Variants in DOP1A observed in about 807,000 individuals in gnomAD.
The protein encoded by DOP1A is DOP1 leucine zipper like protein A.
Under a neutral mutation model 267.6 loss-of-function variants are expected in DOP1A, and 90 were observed. The ratio of observed to expected loss-of-function variants is 0.34; its 90% confidence interval spans 0.28 to 0.40. DOP1A has a LOEUF of 0.40. Among genes scored for constraint, DOP1A ranks in the 10% least tolerant of loss-of-function variants. DOP1A has a pLI of 1.00. For missense variants in DOP1A, 2,437 were observed against 2,900.4 expected, an observed-to-expected ratio of 0.84 and a Z score of 3.67; for synonymous variants, 932 against 999.1, an observed-to-expected ratio of 0.93 and a Z score of 1.27.
At chr6:83,089,672 T>C (rs1163102798) in intron 1 of DOP1A, among the ~76,000 whole-genome samples, 1 of 152,224 alleles carries the variant, frequency 6.6e-6, no homozygotes, top group African/African-American at 2.4e-5. Context: ...TTATTTTTAT[T>C]TTTTTAAGTT....
At chr6:83,159,733 C>G in intron 36 of DOP1A, 63 bp from the exon 37 acceptor site, 1 of 1,582,066 alleles carries the variant, frequency 6.3e-7, no homozygotes. Flanking sequence ...ACTTTTAGAT[C>G]TTTCCAGGAA....
At chr6:83,071,449 C>T (rs944966262) in intron 1 of DOP1A, among the ~76,000 whole-genome samples, 60 of 152,134 alleles carry the variant, frequency 3.9e-4, no homozygotes, top group African/African-American at 1.3e-3. Context: ...TCAGGTTATC[C>T]GCCTCGCCTC....
At chr6:83,098,609 A>G (rs951119052) in intron 3 of DOP1A, among the ~76,000 whole-genome samples, 1 of 152,228 alleles carries the variant, frequency 6.6e-6, no homozygotes, top group Non-Finnish European at 1.5e-5. Context: ...TTCATTATAA[A>G]GGACATTACA....
intron 12 of DOP1A, among the ~76,000 whole-genome samples, chr6:83,124,187 T>C (rs1484714470): frequency 6.6e-6 from 1 of 152,054 alleles, no homozygotes; most frequent in Non-Finnish European, 1.5e-5. Flanking sequence ...TCATATAGGA[T>C]TTCTATGATT....
intron 1 of DOP1A, among the ~76,000 whole-genome samples, chr6:83,089,491 T>C (rs10943924): frequency 0.65 from 99,156 of 151,956 alleles, 33,851 homozygotes; most frequent in Middle Eastern, 0.78. Flanking sequence ...TAAATTATGT[T>C]TCATGACAAT....
chr6:83,147,524 C>T (rs1780817904), intron 26 of DOP1A, among the ~76,000 whole-genome samples: 1 of 152,068 alleles, frequency 6.6e-6, no homozygotes, highest in Non-Finnish European at 1.5e-5. Flanking sequence ...TGCATATTGC[C>T]ACTGAATCCA....
At chr6:83,129,633 GT>G (rs1562334122) in intron 16 of DOP1A, 125 bp downstream of exon 16, 2 of 955,708 alleles carry the variant, frequency 2.1e-6, no homozygotes, top group South Asian at 3.2e-5. Context: ...TAATTTGCAA[GT>G]TTTTTTAAAA....
rs989861246 is a variant in DOP1A, at chr6:83,129,371, G to T, written c.2204G>T (p.Ser735Ile). 1 of 1,611,112 alleles carries T rather than the reference G, an allele frequency of 6.2e-7. No homozygotes were observed. The highest frequency in any genetic ancestry group is 8.5e-7 in the Non-Finnish European group (1 of 1,179,068). ...SQGDVKEKNISKQKTSKEYLS... is the reference protein window; with the variant it reads ...SQGDVKEKNIIKQKTSKEYLS... ...GGAGATGTAAAAGAGAAAAACATAA[G>T]TAAACAAAAAACTTCTAAAGAATAC... Residue 735 changes from serine (S) to isoleucine (I), a missense_variant, in exon 16 of 39, where the codon AGT (serine) becomes ATT (isoleucine). By Grantham distance (142) the Ser-to-Ile change is moderately radical (BLOSUM62 -2). Coordinates refer to ENST00000349129, the MANE Select transcript of DOP1A (RefSeq NM_015018.4).
chr6:83,144,992 A>C (rs544828600), intron 24 of DOP1A, among the ~76,000 whole-genome samples: 176 of 146,472 alleles, frequency 1.2e-3, no homozygotes, highest in African/African-American at 4.1e-3. Context: ...GGTCTCAGCT[A>C]CTCAGGAGGC....
chr6:83,134,612 G>T, intron 19 of DOP1A: 1 of 185,324 alleles, frequency 5.4e-6, no homozygotes, highest in Middle Eastern at 2.1e-3. Flanking sequence ...ACTGCATATA[G>T]ATAGTAGATT....
intron 1 of DOP1A, among the ~76,000 whole-genome samples, chr6:83,085,791 ATG>A (rs1769084867): frequency 6.9e-6 from 1 of 144,448 alleles, no homozygotes; most frequent in African/African-American, 2.7e-5. Flanking sequence ...ATGTTATGTT[ATG>A]TTATGTTATG....
intron 7 of DOP1A, among the ~76,000 whole-genome samples, chr6:83,113,822 A>G (rs1364943915): frequency 2.6e-5 from 4 of 152,220 alleles, no homozygotes; most frequent in Non-Finnish European, 4.4e-5. Flanking sequence ...TAAGAGCCAC[A>G]TGTTTAGCCA....
intron 1 of DOP1A, among the ~76,000 whole-genome samples, chr6:83,090,496 C>T (rs990862899): frequency 2.6e-5 from 4 of 152,112 alleles, no homozygotes; most frequent in African/African-American, 9.7e-5. Context: ...AAGTTTGATA[C>T]ACTATGGGGA....
intron 7 of DOP1A, among the ~76,000 whole-genome samples, chr6:83,118,342 C>G (rs187353477): frequency 6.6e-6 from 1 of 152,048 alleles, no homozygotes; most frequent in East Asian, 1.9e-4. Flanking sequence ...AATTATTTCT[C>G]TTAAAAAGAA....
chr6:83,091,045 A>G (rs1335542414), intron 1 of DOP1A, among the ~76,000 whole-genome samples: 1 of 151,938 alleles, frequency 6.6e-6, no homozygotes, highest in Non-Finnish European at 1.5e-5. Context: ...CCTCACAATC[A>G]TGGGGAAGGC....
At chr6:83,140,139 T>G in intron 22 of DOP1A, 28 bp downstream of exon 22, 1 of 1,606,836 alleles carries the variant, frequency 6.2e-7, no homozygotes, top group Non-Finnish European at 8.5e-7. Context: ...TTTGACTTCT[T>G]TTGAAAGACT....
intron 26 of DOP1A, among the ~76,000 whole-genome samples, chr6:83,148,425 C>A (rs1488761536): frequency 6.6e-6 from 1 of 150,962 alleles, no homozygotes; most frequent in Non-Finnish European, 1.5e-5. Context: ...AAAAAAAAGA[C>A]AAAAAAAGAA....
intron 27 of DOP1A, among the ~76,000 whole-genome samples, chr6:83,150,278 T>C (rs1367496283): frequency 2.6e-5 from 4 of 152,152 alleles, no homozygotes; most frequent in African/African-American, 9.7e-5. Flanking sequence ...GGAGTTGTCA[T>C]AAGGTTCAGA....
At chr6:83,155,195 C>T (rs2128360168) in intron 33 of DOP1A, among the ~76,000 whole-genome samples, 1 of 151,938 alleles carries the variant, frequency 6.6e-6, no homozygotes, top group Admixed American at 6.6e-5. Flanking sequence ...GGTGCAGTGG[C>T]TCACGCCTGT....
Sources: gnomAD v4.1 joint callset for allele counts (sites outside exome capture counted in the v4.1 genomes callset) on GRCh38, gnomAD v4.1.1 for gene constraint, MANE v1.5 for transcripts, NCBI Gene and HGNC (gene_info 2026-07-23, HGNC 2026-07-21) for gene names.